The following SWAP70 variants were observed in gnomAD, a reference collection of about 807,000 sequenced individuals.
The protein encoded by SWAP70 is switch-associated protein 70.
A neutral mutation model predicts 80.2 loss-of-function variants in SWAP70; 34 were observed. The ratio of observed to expected loss-of-function variants is 0.42; its 90% CI spans 0.32 to 0.56. SWAP70 has a LOEUF of 0.56. Among genes scored for constraint, SWAP70 ranks in the 20% least tolerant of loss-of-function variants. The pLI is 0.09. For missense variants in SWAP70, 578 were observed against 690.7 expected (o/e 0.84, Z 1.83); for synonymous variants, 239 against 238.5 (o/e 1.00, Z -0.02).
At chr11:9,687,475 G>A (rs1468868637) in intron 1 of SWAP70, among the ~76,000 whole-genome samples, 1 of 151,842 alleles carries the variant, frequency 6.6e-6, no homozygotes, top group Non-Finnish European at 1.5e-5. Flanking sequence ...TGCCTTTTTT[G>A]TTTTTTTATG....
chr11:9,677,760 A>G (rs1850518938), intron 1 of SWAP70, among the ~76,000 whole-genome samples: 1 of 152,070 alleles, frequency 6.6e-6, no homozygotes, highest in Admixed American at 6.5e-5. Flanking sequence ...AAAAAAATTT[A>G]TTGTACCTTT....
At chr11:9,725,787 G>T (rs1000235856) in intron 4 of SWAP70, among the ~76,000 whole-genome samples, 1 of 151,614 alleles carries the variant, frequency 6.6e-6, no homozygotes, top group East Asian at 1.9e-4. Context: ...GGCCAGGACG[G>T]TCTCGATCTT....
chr11:9,744,209 G>A (rs1005814961), intron 9 of SWAP70, among the ~76,000 whole-genome samples: 1 of 152,264 alleles, frequency 6.6e-6, no homozygotes. Context: ...TGATCCACCC[G>A]CCTCGGCCTC....
intron 1 of SWAP70, among the ~76,000 whole-genome samples, chr11:9,666,415 A>G (rs372548378): frequency 6.6e-6 from 1 of 152,152 alleles, no homozygotes; most frequent in East Asian, 1.9e-4. Context: ...GTTTTTTACT[A>G]TATTTCTTCA....
At chr11:9,732,735 G>C in intron 7 of SWAP70, 25 bp downstream of exon 7, 1 of 1,525,776 alleles carries the variant, frequency 6.6e-7, no homozygotes, top group East Asian at 2.5e-5. Context: ...TGGGCTGGGA[G>C]AGGGCCCTTC....
At chr11:9,738,005 T>A (rs953285543) in intron 7 of SWAP70, among the ~76,000 whole-genome samples, 2 of 152,268 alleles carry the variant, frequency 1.3e-5, no homozygotes, top group African/African-American at 4.8e-5. Context: ...TTATCAATAG[T>A]CTTTCATTTA....
chr11:9,686,383 C>A (rs1850633193), intron 1 of SWAP70, among the ~76,000 whole-genome samples: 1 of 38,064 alleles, frequency 2.6e-5, no homozygotes, highest in Non-Finnish European at 7.3e-5. Context: ...TTTTGTGAGA[C>A]AGGTTCTCGC....
intron 2 of SWAP70, among the ~76,000 whole-genome samples, chr11:9,703,691 C>T (rs983058173): frequency 9.2e-5 from 14 of 152,146 alleles, no homozygotes; most frequent in South Asian, 6.2e-4. Context: ...AGTTCTGTGA[C>T]GGCAAGAACT....
intron 4 of SWAP70, among the ~76,000 whole-genome samples, chr11:9,725,552 TATATATATATATA>T (rs1267888383): frequency 2.0e-4 from 2 of 10,224 alleles, no homozygotes; most frequent in Admixed American, 2.3e-3. Flanking sequence ...TATATATATA[TATATATATATATA>T]TATATTTTTT....
chr11:9,729,391 T>A lies in SWAP70; in HGVS notation c.838T>A (p.Phe280Ile). ...GKKCLFLVKCFDKTFEISASD... is the reference protein window; with the variant it reads ...GKKCLFLVKCIDKTFEISASD... ...GAAATGCCTTTTTCTCGTAAAATGT[T>A]TTGATAAGACTTTTGAAATCAGTGC... Residue 280 changes from phenylalanine to isoleucine, a missense_variant, in exon 6 of 12, where the codon TTT becomes ATT. Coordinates refer to ENST00000318950, the MANE Select transcript of SWAP70 (RefSeq NM_015055.4). The A allele has an allele frequency of 6.2e-7, 1 of 1,614,030 alleles. No individual in the cohort carries two copies. The highest frequency in any genetic ancestry group is 8.5e-7 in the Non-Finnish European group (1 of 1,179,962).
chr11:9,691,355 A>G (rs1017094658), intron 1 of SWAP70, among the ~76,000 whole-genome samples: 2 of 152,170 alleles, frequency 1.3e-5, no homozygotes, highest in African/African-American at 4.8e-5. Flanking sequence ...AACAAGTCCA[A>G]CTCTCATTTG....
chr11:9,744,473 T>G (rs1421858686), intron 9 of SWAP70, among the ~76,000 whole-genome samples: 1 of 152,214 alleles, frequency 6.6e-6, no homozygotes, highest in Non-Finnish European at 1.5e-5. Context: ...TTTTAGTTAG[T>G]TTTAAATGTA....
chr11:9,731,050 G>A lies in SWAP70; in HGVS notation c.899-1479G>A, dbSNP rs566521533. ...TTCATTATTTGGTTTTCTGTTCTGC[G>A]TTAATTTGCTTAGCATAGTGGCCTC... On this transcript the variant is annotated intron_variant, in intron 6 of 11. Transcript: ENST00000318950. Among the ~76,000 whole-genome samples the A allele has an allele frequency of 3.9e-5, 6 of 152,276 alleles. No individual in the cohort carries two copies. The South Asian group carries it at 8.3e-4, about 21-fold the overall frequency.
At chr11:9,720,578 C>A in intron 3 of SWAP70, 2 of 691,152 alleles carry the variant, frequency 2.9e-6, no homozygotes, top group Non-Finnish European at 3.6e-6. Context: ...AGTCATACTG[C>A]ACACACATGT....
intron 7 of SWAP70, 71 bp from the exon 8 acceptor site, chr11:9,738,142 C>A: frequency 1.9e-6 from 2 of 1,025,876 alleles, no homozygotes; most frequent in Non-Finnish European, 2.8e-6. Flanking sequence ...TTAAGTATGA[C>A]TGTCTCTCTC....
chr11:9,720,381 G>T, intron 3 of SWAP70: 1 of 985,432 alleles, frequency 1.0e-6, no homozygotes, highest in Non-Finnish European at 1.2e-6. Context: ...TTCTAGAGCT[G>T]AGTTTGCTAC....
At chr11:9,678,375 C>T (rs1048008668) in intron 1 of SWAP70, among the ~76,000 whole-genome samples, 1 of 151,684 alleles carries the variant, frequency 6.6e-6, no homozygotes, top group Non-Finnish European at 1.5e-5. Flanking sequence ...GAGAAAATTA[C>T]ACATTTAGAT....
intron 7 of SWAP70, among the ~76,000 whole-genome samples, chr11:9,737,069 T>G (rs1052984392): frequency 6.6e-6 from 1 of 152,214 alleles, no homozygotes. Context: ...AACAACACTT[T>G]TAGCTGGTCC....
At chr11:9,708,025 C>CTTTATCCA (rs1850942493) in intron 2 of SWAP70, among the ~76,000 whole-genome samples, 1 of 152,106 alleles carries the variant, frequency 6.6e-6, no homozygotes, top group Non-Finnish European at 1.5e-5. Context: ...ATCACATTTT[C>CTTTATCCA]TTTATCCATT....
Sources: allele counts gnomAD v4.1 joint callset (sites outside exome capture counted in the v4.1 genomes callset), GRCh38; gene constraint gnomAD v4.1.1; transcripts MANE v1.5; gene names NCBI Gene and HGNC (gene_info 2026-07-23, HGNC 2026-07-21).